The following CYP7B1 variants were observed in gnomAD, a reference collection of about 807,000 sequenced individuals.
CYP7B1 encodes cytochrome P450 family 7 subfamily B member 1, also known as cytochrome P450 7B1.
Under a neutral mutation model 42.7 loss-of-function variants are expected in CYP7B1, and 29 were observed. That is an observed-to-expected ratio of 0.68 (90% confidence interval 0.51 to 0.93). The LOEUF (loss-of-function observed/expected upper bound fraction) is 0.93. Among genes scored for constraint, CYP7B1 ranks in the 40% least tolerant of loss-of-function variants. The pLI, the probability that CYP7B1 is intolerant of heterozygous loss-of-function variation, is 0.00. For synonymous variants in CYP7B1, 235 were observed against 218.2 expected, an observed-to-expected ratio of 1.08 and a Z score of -0.68; for missense variants, 655 against 600.5, an observed-to-expected ratio of 1.09 and a Z score of -0.95.
intron 1 of CYP7B1, among the ~76,000 whole-genome samples, chr8:64,640,344 T>A (rs748252684): frequency 7.2e-5 from 11 of 152,146 alleles, no homozygotes; most frequent in Non-Finnish European, 1.5e-4. Context: ...AATTTCATAT[T>A]TCAGTTATCA....
chr8:64,676,153 G>T (rs1294265186), intron 1 of CYP7B1, among the ~76,000 whole-genome samples: 12 of 152,152 alleles, frequency 7.9e-5, no homozygotes, highest in Non-Finnish European at 1.5e-5. Flanking sequence ...TTAACCTATT[G>T]CTTGTCTTCA....
intron 1 of CYP7B1, among the ~76,000 whole-genome samples, chr8:64,753,328 GT>G (rs1807757929): frequency 6.6e-6 from 1 of 152,066 alleles, no homozygotes. Context: ...TGTCTTCTTT[GT>G]TGAGATCTGA....
chr8:64,655,623 G>A (rs1374244768), intron 1 of CYP7B1, among the ~76,000 whole-genome samples: 1 of 152,110 alleles, frequency 6.6e-6, no homozygotes, highest in Non-Finnish European at 1.5e-5. Flanking sequence ...ATTTCTCAAA[G>A]AGCTAAAAGC....
At chr8:64,796,782 T>C (rs1011747966) in intron 1 of CYP7B1, among the ~76,000 whole-genome samples, 10 of 152,198 alleles carry the variant, frequency 6.6e-5, no homozygotes, top group Non-Finnish European at 1.2e-4. Flanking sequence ...ACAGGGTATA[T>C]TTCCCCACGA....
intron 1 of CYP7B1, among the ~76,000 whole-genome samples, chr8:64,671,216 G>A (rs1806362780): frequency 1.3e-5 from 2 of 152,082 alleles, no homozygotes; most frequent in East Asian, 1.9e-4. Flanking sequence ...CAAAAGTGAG[G>A]ATATGAAAGG....
chr8:64,686,213 C>T (rs1410935700), intron 1 of CYP7B1, among the ~76,000 whole-genome samples: 22 of 51,428 alleles, frequency 4.3e-4, no homozygotes, highest in East Asian at 9.2e-4. Context: ...CCAGCCGCCC[C>T]GTCCGGGAGG....
At chr8:64,724,477 C>T (rs1175984701) in intron 1 of CYP7B1, among the ~76,000 whole-genome samples, 2 of 152,186 alleles carry the variant, frequency 1.3e-5, no homozygotes, top group Non-Finnish European at 2.9e-5. Flanking sequence ...CAAAAGTCCT[C>T]AATGACAACA....
In CYP7B1 at chr8:64,750,452, T is replaced by G. The variant is rs183086994; in HGVS notation, c.122+48014A>C. ...AGTCAAAGGAATGAATTTAATCACC[T>G]TTGCTTCTTAGGGAAAAATTAAGTT... On this transcript the variant is annotated intron_variant, in intron 1 of 5. Transcript: ENST00000310193. Among the ~76,000 whole-genome samples, 195 of 152,332 alleles carry G rather than the reference T, an allele frequency of 1.3e-3. 2 individuals carry two copies. The highest frequency in any genetic ancestry group is 4.4e-3 in the African/African-American group (183 of 41,564).
chr8:64,619,969 G>A (rs969556957), intron 2 of CYP7B1, among the ~76,000 whole-genome samples: 24 of 152,158 alleles, frequency 1.6e-4, no homozygotes, highest in African/African-American at 5.8e-4. Context: ...ATCATTTGAG[G>A]CCAGGAGTTC....
At chr8:64,746,055 A>T (rs1807639485) in intron 1 of CYP7B1, among the ~76,000 whole-genome samples, 1 of 152,156 alleles carries the variant, frequency 6.6e-6, no homozygotes. Flanking sequence ...TCCACTAAAA[A>T]TTTTAAATAT....
intron 1 of CYP7B1, among the ~76,000 whole-genome samples, chr8:64,643,120 C>CACATATATATACATATATATACACAT (rs112147162): frequency 7.3e-3 from 234 of 31,982 alleles, no homozygotes; most frequent in South Asian, 0.025. Flanking sequence ...CATATATATA[C>CACATATATATACATATATATACACAT]ATATATACAT....
intron 1 of CYP7B1, among the ~76,000 whole-genome samples, chr8:64,692,037 GAA>G (rs993111585): frequency 1.3e-5 from 2 of 151,860 alleles, no homozygotes; most frequent in Non-Finnish European, 2.9e-5. Flanking sequence ...AACATTATTA[GAA>G]AAAAAACTCA....
rs776810043 is a variant in CYP7B1, at chr8:64,595,557, G to A, written c.*1085C>T. On this transcript the variant is annotated 3_prime_UTR_variant, in exon 6 of 6. Transcript: ENST00000310193. ...GTCCAGGTTCCCAAGGGACCAAAGC[G>A]GGAGGATCACTTGAGGTCAGGATTT... Among the ~76,000 whole-genome samples, 3 of 152,098 alleles carry A rather than the reference G, an allele frequency of 2.0e-5. No homozygotes were observed. Among genetic ancestry groups the A allele is most frequent in the Non-Finnish European group, 2.9e-5 (2 of 68,018 alleles).
chr8:64,635,304 A>C (rs1038875820), intron 1 of CYP7B1, among the ~76,000 whole-genome samples: 1 of 152,208 alleles, frequency 6.6e-6, no homozygotes, highest in African/African-American at 2.4e-5. Context: ...TTTTTTCCCC[A>C]GTCCTATAAT....
chr8:64,733,300 G>A (rs901035777), intron 1 of CYP7B1, among the ~76,000 whole-genome samples: 1 of 152,168 alleles, frequency 6.6e-6, no homozygotes, highest in African/African-American at 2.4e-5. Context: ...ATGCGCTAGA[G>A]ACTAAAGAGA....
At chr8:64,737,683 C>T (rs1192326687) in intron 1 of CYP7B1, among the ~76,000 whole-genome samples, 2 of 152,192 alleles carry the variant, frequency 1.3e-5, no homozygotes, top group Non-Finnish European at 2.9e-5. Context: ...TCTTCTCAGT[C>T]CATCTTTTCT....
chr8:64,687,855 C>T (rs545783771), intron 1 of CYP7B1, among the ~76,000 whole-genome samples: 39 of 152,240 alleles, frequency 2.6e-4, no homozygotes, highest in African/African-American at 9.1e-4. Flanking sequence ...AAGCCTCGCT[C>T]GTTACTTATA....
intron 1 of CYP7B1, among the ~76,000 whole-genome samples, chr8:64,709,082 G>T (rs564747826): frequency 5.9e-5 from 9 of 152,142 alleles, no homozygotes; most frequent in Admixed American, 1.3e-4. Flanking sequence ...GAAAGGGGCC[G>T]CAGTGCAGGA....
At chr8:64,629,458 C>T (rs918491906) in intron 1 of CYP7B1, among the ~76,000 whole-genome samples, 2 of 152,002 alleles carry the variant, frequency 1.3e-5, no homozygotes, top group Non-Finnish European at 1.5e-5. Context: ...TATTAGGTGA[C>T]CGAATATATG....
Sources: allele counts gnomAD v4.1 joint callset (sites outside exome capture counted in the v4.1 genomes callset), GRCh38; gene constraint gnomAD v4.1.1; transcripts MANE v1.5; gene names NCBI Gene and HGNC (gene_info 2026-07-23, HGNC 2026-07-21).